Variants in ERICH3 observed in about 807,000 individuals in gnomAD.
The protein encoded by ERICH3 is glutamate rich 3.
Under a neutral mutation model 131.1 loss-of-function variants are expected in ERICH3, and 126 were observed. The observed-to-expected ratio is 0.96, with a 90% CI of 0.83 to 1.11. ERICH3 has a LOEUF of 1.11. Ranked by LOEUF, ERICH3 falls within the 50% of genes most tolerant of loss-of-function variation. The pLI is 0.00. For synonymous variants in ERICH3, 695 were observed against 644.6 expected, an observed-to-expected ratio of 1.08 and a Z score of -1.18; for missense variants, 2,050 against 1,810.7, an observed-to-expected ratio of 1.13 and a Z score of -2.40.
At chr1:74,574,602 A>G (rs1254187262) in intron 13 of ERICH3, among the ~76,000 whole-genome samples, 5 of 152,210 alleles carry the variant, frequency 3.3e-5, no homozygotes, top group African/African-American at 1.2e-4. Flanking sequence ...AGGACTTTGC[A>G]GACCGGGACA....
At position 74,590,032 on chromosome 1, in the gene ERICH3, C is replaced by A; in HGVS notation, c.1775G>T (p.Ser592Ile). 3 of 1,613,686 alleles carry A rather than the reference C, an allele frequency of 1.9e-6. No homozygotes were observed. The highest frequency in any genetic ancestry group is 2.5e-6 in the Non-Finnish European group (3 of 1,179,848). The change falls in exon 12 of 15, where the codon AGT (serine) becomes ATT (isoleucine). Residue 592 changes from serine (S) to isoleucine (I), a missense_variant. Physicochemically the swap from Ser to Ile is moderately radical, Grantham distance 142 (BLOSUM62 -2). Coordinates refer to ENST00000326665, the MANE Select transcript of ERICH3 (RefSeq NM_001002912.5). ...STSSRSHPYS[S>I]DSEDESAVGD... ...CACTGCAGATTCATCCTCACTGTCA[C>A]TAGAATAAGGGTGACTTCTGGATGA...
intron 13 of ERICH3, among the ~76,000 whole-genome samples, chr1:74,574,291 T>C (rs1199855607): frequency 1.3e-5 from 2 of 152,166 alleles, no homozygotes; most frequent in Non-Finnish European, 2.9e-5. Flanking sequence ...GGCCCTGAAC[T>C]CATTATTTTC....
At chr1:74,666,457 G>A (rs1646694046) in intron 1 of ERICH3, among the ~76,000 whole-genome samples, 1 of 152,170 alleles carries the variant, frequency 6.6e-6, no homozygotes, top group South Asian at 2.1e-4. Context: ...AGTAAGGTAT[G>A]ATTTTTCAAG....
At chr1:74,649,752 G>C (rs1235203661) in intron 1 of ERICH3, among the ~76,000 whole-genome samples, 2 of 152,108 alleles carry the variant, frequency 1.3e-5, no homozygotes, top group Non-Finnish European at 2.9e-5. Context: ...CTTACCTGCT[G>C]TCTCTCATCT....
chr1:74,611,858 AC>A (rs1311918285), intron 9 of ERICH3, among the ~76,000 whole-genome samples: 6 of 151,986 alleles, frequency 3.9e-5, no homozygotes, highest in African/African-American at 1.4e-4. Context: ...TATCTCCCTT[AC>A]CCTGTTTTGT....
rs760074118 is a variant in ERICH3, at chr1:74,590,078, T to C, written c.1729A>G (p.Met577Val). 15 of 1,580,142 alleles carry C rather than the reference T, an allele frequency of 9.5e-6. No homozygotes were observed. In the East Asian group the frequency reaches 1.8e-4, roughly 19 times the overall value. ...GATGAGGTTGATGAAGCAGTTTTCATATCTACAAAAAATAAAAGTGATGAC... is the reference window on the plus strand; with the variant it reads ...GATGAGGTTGATGAAGCAGTTTTCACATCTACAAAAAATAAAAGTGATGAC... ...ESELEEDKQD[M>V]KTASSTSSRS... The change falls in exon 12 of 15, where the codon ATG becomes GTG. Residue 577 changes from methionine (M) to valine (V), a missense_variant and splice_region_variant. Met to Val is a conservative substitution (Grantham distance 21). Transcript: ENST00000326665.
At chr1:74,603,708 T>A (rs556744302) in intron 10 of ERICH3, among the ~76,000 whole-genome samples, 1 of 152,084 alleles carries the variant, frequency 6.6e-6, no homozygotes, top group South Asian at 2.1e-4. Flanking sequence ...ATGTTTCTAC[T>A]ATGCTGCTGT....
intron 13 of ERICH3, among the ~76,000 whole-genome samples, chr1:74,575,184 C>A (rs1308453282): frequency 6.6e-6 from 1 of 152,220 alleles, no homozygotes. Context: ...ATTACCGCTT[C>A]TAACACAAAA....
At chr1:74,630,710 G>C (rs1646318992) in intron 7 of ERICH3, among the ~76,000 whole-genome samples, 1 of 152,064 alleles carries the variant, frequency 6.6e-6, no homozygotes, top group African/African-American at 2.4e-5. Flanking sequence ...GATATGTTGA[G>C]AGACAGAGAT....
intron 4 of ERICH3, among the ~76,000 whole-genome samples, chr1:74,641,979 G>A (rs1456568721): frequency 6.6e-6 from 1 of 152,116 alleles, no homozygotes; most frequent in East Asian, 1.9e-4. Flanking sequence ...CTGGCTACCT[G>A]GGCAAGGGTG....
At chr1:74,632,018 C>T (rs1162985925) in intron 6 of ERICH3, 90 bp from the exon 7 acceptor site, 1 of 1,167,868 alleles carries the variant, frequency 8.6e-7, no homozygotes, top group Admixed American at 2.1e-5. Flanking sequence ...AAATGATTGA[C>T]ATTGCATGCA....
intron 5 of ERICH3, among the ~76,000 whole-genome samples, chr1:74,638,149 AATG>A (rs998349368): frequency 4.6e-5 from 7 of 152,212 alleles, no homozygotes; most frequent in African/African-American, 1.7e-4. Context: ...TACTTTAAAA[AATG>A]ATGATAAGGC....
intron 12 of ERICH3, 167 bp downstream of exon 12, chr1:74,589,464 A>G: frequency 1.4e-6 from 1 of 691,580 alleles, no homozygotes; most frequent in East Asian, 2.5e-5. Context: ...CAAACAGCAA[A>G]CTGAAAATAC....
At position 74,673,681 on chromosome 1, in the gene ERICH3, G is replaced by C; in HGVS notation, c.-162C>G. ...GGGCCGCCGCCGCCCCTGGGCGCCC[G>C]GGCTACCCGCAGCCTCCCGGGCTCC... On this transcript the variant is annotated 5_prime_UTR_variant, in exon 1 of 15. Coordinates refer to ENST00000326665, the MANE Select transcript of ERICH3 (RefSeq NM_001002912.5). 1.7e-6 allele frequency: 1 copy of C among 579,586 alleles called. No individual in the cohort carries two copies. The highest frequency in any genetic ancestry group is 2.7e-6 in the Non-Finnish European group (1 of 369,002). The allele number at this position is 579,586 out of a possible 1,614,324, so 35.9% of individuals were successfully genotyped here.
rs1646922941 is a variant in ERICH3 at position 74,570,411 on chromosome 1, A to G, written c.*47T>C. On this transcript the variant is annotated 3_prime_UTR_variant, in exon 15 of 15. Transcript: ENST00000326665. ...TTGCGTGAATCTTTCTCCACTCTTT[A>G]CATCTTCAGAAGACATCTTTAAATT... The G allele has an allele frequency of 6.6e-6, 1 of 152,244 alleles. No individual in the cohort carries two copies. Among genetic ancestry groups the G allele is most frequent in the African/African-American group, 2.4e-5 (1 of 41,448 alleles). 9.4% of individuals were successfully genotyped at this position (152,244 alleles called of 1,614,324 possible).
At chr1:74,648,660 G>A (rs1342235556) in intron 2 of ERICH3, among the ~76,000 whole-genome samples, 1 of 152,048 alleles carries the variant, frequency 6.6e-6, no homozygotes, top group African/African-American at 2.4e-5. Context: ...TCTTTCCATG[G>A]AATACTATAA....
At chr1:74,626,828 A>G (rs942970729) in intron 7 of ERICH3, among the ~76,000 whole-genome samples, 5 of 152,186 alleles carry the variant, frequency 3.3e-5, no homozygotes, top group Non-Finnish European at 7.4e-5. Flanking sequence ...GAGTCGTACC[A>G]CACCTTGCCA....
At chr1:74,619,655 C>T (rs1223169230) in intron 8 of ERICH3, among the ~76,000 whole-genome samples, 2 of 152,188 alleles carry the variant, frequency 1.3e-5, no homozygotes, top group South Asian at 2.1e-4. Context: ...CTGGAATCAT[C>T]TCATTTTCCT....
intron 9 of ERICH3, 95 bp downstream of exon 9, chr1:74,612,528 T>G (rs1289182180): frequency 8.7e-7 from 1 of 1,144,800 alleles, no homozygotes; most frequent in East Asian, 2.5e-5. Context: ...ATACTGAATT[T>G]CCTTAATAAT....
Sources: allele counts gnomAD v4.1 joint callset (sites outside exome capture counted in the v4.1 genomes callset), GRCh38; gene constraint gnomAD v4.1.1; transcripts MANE v1.5; gene names NCBI Gene and HGNC (gene_info 2026-07-23, HGNC 2026-07-21).